The following LEMD1 variants were observed in gnomAD, a reference collection of about 807,000 sequenced individuals.
LEMD1 encodes LEM domain containing 1.
In LEMD1, 18 loss-of-function variants were observed where a neutral mutation model predicts 17.4. The observed-to-expected ratio is 1.04, with a 90% CI of 0.72 to 1.54. The LOEUF is 1.54. LEMD1 is among the 40% of genes most tolerant of loss of function. The probability of loss-of-function intolerance (pLI) is 0.00; values close to 1 mark genes in which losing one functional copy is unlikely to be tolerated. For synonymous variants in LEMD1, 88 were observed against 77.8 expected (o/e 1.13, Z -0.69); for missense variants, 195 against 210.4 (o/e 0.93, Z 0.45).
chr1:205,383,044 G>C (rs1378196772), intron 5 of LEMD1, among the ~76,000 whole-genome samples: 1 of 152,068 alleles, frequency 6.6e-6, no homozygotes, highest in Admixed American at 6.6e-5. Context: ...TTTAAAAATT[G>C]ATACATAATA....
rs1319992687 is a variant in LEMD1, at chr1:205,441,494, C to T, written c.-39+8374G>A. On this transcript the variant is annotated intron_variant, in intron 1 of 3. Coordinates refer to the LEMD1 transcript ENST00000367154. This position sits in a 1 kb window ranked among gnomAD's most constrained non-coding sequence, Gnocchi z 4.3. ...GGCTTCCACTCGCTTCTGCAGGTTG[C>T]ACACACGACAGGCCCTCCTCCATCC... Among the ~76,000 whole-genome samples the T allele has an allele frequency of 6.6e-6, 1 of 152,212 alleles. No individual in the cohort carries two copies. Among genetic ancestry groups the T allele is most frequent in the African/African-American group, 2.4e-5 (1 of 41,450 alleles).
intron 4 of LEMD1, among the ~76,000 whole-genome samples, chr1:205,403,299 T>C (rs1193228608): frequency 2.0e-5 from 3 of 151,966 alleles, no homozygotes; most frequent in Admixed American, 6.6e-5. Context: ...CTTGTACCTC[T>C]GGTAGAATTT....
At chr1:205,446,871 C>T (rs1413418571) in intron 1 of LEMD1, among the ~76,000 whole-genome samples, 6 of 152,168 alleles carry the variant, frequency 3.9e-5, no homozygotes, top group Non-Finnish European at 8.8e-5. Flanking sequence ...CTGGATCAGC[C>T]CCAGCAAAAA....
intron 1 of LEMD1, among the ~76,000 whole-genome samples, chr1:205,438,414 C>T (rs1375633577): frequency 6.6e-6 from 1 of 152,226 alleles, no homozygotes; most frequent in Non-Finnish European, 1.5e-5. Context: ...GAGCAGAAGC[C>T]TGGCCCGAAG....
chr1:205,382,670 T>A (rs1291130523), intron 5 of LEMD1, among the ~76,000 whole-genome samples: 2 of 152,194 alleles, frequency 1.3e-5, no homozygotes, highest in African/African-American at 2.4e-5. Flanking sequence ...CACTTCTCAA[T>A]GCCGGCATAA....
At chr1:205,404,709 T>A (rs1246015777) in intron 4 of LEMD1, among the ~76,000 whole-genome samples, 1 of 152,116 alleles carries the variant, frequency 6.6e-6, no homozygotes, top group African/African-American at 2.4e-5. Flanking sequence ...ACATTTAAAG[T>A]TAATATTGTT....
At chr1:205,405,398 G>C (rs910932325) in intron 4 of LEMD1, among the ~76,000 whole-genome samples, 1 of 144,526 alleles carries the variant, frequency 6.9e-6, no homozygotes, top group Admixed American at 6.9e-5. Flanking sequence ...GGCTTTGTTC[G>C]TTTCTTTTTA....
intron 4 of LEMD1, among the ~76,000 whole-genome samples, chr1:205,406,304 C>G (rs578032818): frequency 4.6e-5 from 7 of 151,488 alleles, no homozygotes; most frequent in Non-Finnish European, 8.9e-5. Context: ...GCCCTGCCCC[C>G]AGAGGTGGAG....
chr1:205,419,117 C>CT, intron 3 of LEMD1, 113 bp downstream of exon 3: 1 of 1,251,182 alleles, frequency 8.0e-7, no homozygotes, highest in Non-Finnish European at 1.1e-6. Flanking sequence ...CAAAGAGGCC[C>CT]TATGGCTATT....
chr1:205,438,568 C>T (rs987493548), intron 1 of LEMD1, among the ~76,000 whole-genome samples: 10 of 152,322 alleles, frequency 6.6e-5, no homozygotes, highest in Non-Finnish European at 1.3e-4. Flanking sequence ...TCCCCATTTT[C>T]CTGAGAAGGA....
rs747353211 is a variant in LEMD1, at chr1:205,417,645, C to T, written c.206-1349G>A. Among the ~76,000 whole-genome samples the T allele has an allele frequency of 1.2e-4, 19 of 152,168 alleles. No individual in the cohort carries two copies. The South Asian group carries it at 1.9e-3, about 15-fold the overall frequency. On this transcript the variant is annotated intron_variant, in intron 3 of 5. Coordinates refer to ENST00000367153, the MANE Select transcript of LEMD1 (RefSeq NM_001199050.2). The stretch of plus-strand genomic sequence containing the variant: ...GCTCAAGGGCCAGTGAAGTTTATCC[C>T]TAAACCTTGCCATCCTTTTCAAGTG...
intron 1 of LEMD1, among the ~76,000 whole-genome samples, chr1:205,433,196 C>T (rs1299531287): frequency 6.6e-6 from 1 of 152,188 alleles, no homozygotes; most frequent in Non-Finnish European, 1.5e-5. Context: ...GGCATGGTGG[C>T]TCACACCTGT....
At chr1:205,432,010 C>T (rs1666132000) in intron 1 of LEMD1, among the ~76,000 whole-genome samples, 1 of 152,086 alleles carries the variant, frequency 6.6e-6, no homozygotes, top group South Asian at 2.1e-4. Context: ...CCACCGCACC[C>T]GCCCAACACA....
chr1:205,438,404 G>A (rs1666240698), intron 1 of LEMD1, among the ~76,000 whole-genome samples: 1 of 152,240 alleles, frequency 6.6e-6, no homozygotes, highest in Admixed American at 6.5e-5. Flanking sequence ...ACCCTAGAAG[G>A]AGCAGAAGCC....
In LEMD1 at chr1:205,381,410, G is replaced by T; in HGVS notation, c.*248C>A. ...GTTTGACGCCTGCTCAAATATGGAA[G>T]CACCTTTAATGAGAGTTGACATGAC... is the stretch of plus-strand genomic sequence containing the variant. On this transcript the variant is annotated 3_prime_UTR_variant, in exon 6 of 6. Transcript: ENST00000367153. 1 of 513,962 alleles carries T rather than the reference G, an allele frequency of 1.9e-6. No individual in the cohort carries two copies. Among genetic ancestry groups the T allele is most frequent in the Non-Finnish European group, 3.5e-6 (1 of 286,586 alleles). 31.8% of individuals were successfully genotyped at this position (513,962 alleles called of 1,614,324 possible).
In LEMD1 at chr1:205,445,585, G is replaced by T. The variant is rs1364648018; in HGVS notation, c.-39+4283C>A. The stretch of plus-strand genomic sequence containing the variant: ...TCTTGCTTGCCCACCTATGGAGAAA[G>T]CTCCCTCCACTTTTCCAGACTGCAA... On this transcript the variant is annotated intron_variant, in intron 1 of 3. Coordinates refer to the LEMD1 transcript ENST00000367154. Among the ~76,000 whole-genome samples the T allele has an allele frequency of 4.6e-5, 4 of 86,740 alleles. No homozygotes were observed. The East Asian group carries it at 2.8e-3, about 62-fold the overall frequency. The allele number at this position is 86,740 out of a possible 152,430, so 56.9% of individuals were successfully genotyped here.
chr1:205,433,705 T>C (rs919630969), intron 1 of LEMD1, among the ~76,000 whole-genome samples: 1 of 152,210 alleles, frequency 6.6e-6, no homozygotes, highest in Non-Finnish European at 1.5e-5. Flanking sequence ...ATGGAAAGGC[T>C]TGGGGTCATA....
chr1:205,424,693 C>T (rs1048071678), upstream of LEMD1, among the ~76,000 whole-genome samples: 11 of 152,148 alleles, frequency 7.2e-5, no homozygotes, highest in Non-Finnish European at 1.3e-4. Flanking sequence ...CTATAAACAA[C>T]GGGCTGGGGA....
rs1405761842 is a variant in LEMD1, at chr1:205,439,301, A to T, written c.-39+10567T>A. ...CTGTTTATAATTCTTTGGATATAAAAGGAAATAACAGATTGTAGAAGGTGG... is the reference window on the plus strand; with the variant it reads ...CTGTTTATAATTCTTTGGATATAAATGGAAATAACAGATTGTAGAAGGTGG... On this transcript the variant is annotated intron_variant, in intron 1 of 3. Transcript: ENST00000367154. Among the ~76,000 whole-genome samples, 5 of 152,230 alleles carry T rather than the reference A, an allele frequency of 3.3e-5. No individual in the cohort carries two copies. In the East Asian group the frequency reaches 9.6e-4, roughly 29 times the overall value.
Sources: allele counts gnomAD v4.1 joint callset (sites outside exome capture counted in the v4.1 genomes callset), GRCh38; gene constraint gnomAD v4.1.1; non-coding constraint Gnocchi (gnomAD v3.1); transcripts MANE v1.5; gene names NCBI Gene and HGNC (gene_info 2026-07-23, HGNC 2026-07-21).